The following TANC1 variants were observed in gnomAD, a reference collection of about 807,000 sequenced individuals.
TANC1 encodes tetratricopeptide repeat, ankyrin repeat and coiled-coil containing 1, also known as protein TANC1.
Under a neutral mutation model 149.7 loss-of-function variants are expected in TANC1, and 77 were observed. That is an observed-to-expected ratio of 0.51 (90% CI 0.43 to 0.62). TANC1 has a LOEUF of 0.62. TANC1 is among the 20% of genes least tolerant of loss of function. The probability of loss-of-function intolerance (pLI) is 0.00; values close to 1 mark genes in which losing one functional copy is unlikely to be tolerated. For synonymous variants in TANC1, 854 were observed against 925.0 expected, an observed-to-expected ratio of 0.92 and a Z score of 1.39; for missense variants, 1,985 against 2,321.8, an observed-to-expected ratio of 0.85 and a Z score of 2.98.
chr2:159,138,710 G>T (rs534710807), intron 5 of TANC1, among the ~76,000 whole-genome samples: 91 of 152,216 alleles, frequency 6.0e-4, no homozygotes, highest in African/African-American at 2.0e-3. Flanking sequence ...TTTCTAAGAC[G>T]CTTTTCTGGG....
Position 159,174,947 on chromosome 2 carries a change from C to T in TANC1, c.1504-6C>T. 2 of 1,612,610 alleles carry T rather than the reference C, an allele frequency of 1.2e-6. No individual in the cohort carries two copies. Among genetic ancestry groups the T allele is most frequent in the Non-Finnish European group, 8.5e-7 (1 of 1,179,002 alleles). ...AGGTGATGCTGACGGTTCTGCTTCC[C>T]CCTAGGTGGTGGCCTACCACTACTG... On this transcript the variant is annotated splice_polypyrimidine_tract_variant and splice_region_variant and intron_variant, in intron 11 of 26. Coordinates refer to ENST00000263635, the MANE Select transcript of TANC1 (RefSeq NM_033394.3).
chr2:159,143,039 G>A (rs1357390871), intron 5 of TANC1, among the ~76,000 whole-genome samples: 7 of 143,938 alleles, frequency 4.9e-5, no homozygotes, highest in African/African-American at 7.8e-5. Flanking sequence ...CTCCAGCCTG[G>A]GCCACAGAGC....
intron 3 of TANC1, among the ~76,000 whole-genome samples, chr2:159,083,305 A>G (rs72936469): frequency 6.6e-6 from 1 of 151,228 alleles, no homozygotes; most frequent in Non-Finnish European, 1.5e-5. Context: ...CATGTTTGGG[A>G]GTCACTGGTA....
intron 5 of TANC1, among the ~76,000 whole-genome samples, chr2:159,146,820 C>T (rs368874143): frequency 5.3e-5 from 8 of 152,062 alleles, no homozygotes; most frequent in Non-Finnish European, 7.4e-5. Context: ...GGATTACAGG[C>T]GTGAGCCACC....
intron 2 of TANC1, among the ~76,000 whole-genome samples, chr2:159,048,204 C>T (rs1240297188): frequency 6.6e-6 from 1 of 152,176 alleles, no homozygotes; most frequent in Non-Finnish European, 1.5e-5. Context: ...TGAGTTGTTT[C>T]TATAATGCCA....
chr2:159,171,302 T>C (rs1460276444), intron 10 of TANC1, among the ~76,000 whole-genome samples: 1 of 152,212 alleles, frequency 6.6e-6, no homozygotes, highest in Admixed American at 6.5e-5. Context: ...CTAAACATGG[T>C]GAACAAGTGA....
At chr2:158,978,649 C>G (rs769717959) in intron 1 of TANC1, among the ~76,000 whole-genome samples, 3 of 152,128 alleles carry the variant, frequency 2.0e-5, no homozygotes, top group Non-Finnish European at 2.9e-5. Flanking sequence ...GCGATAACTC[C>G]CCAGGGTAGG....
intron 3 of TANC1, among the ~76,000 whole-genome samples, chr2:159,091,968 G>GC (rs1307200086): frequency 6.8e-6 from 1 of 146,712 alleles, no homozygotes; most frequent in African/African-American, 2.7e-5. Flanking sequence ...ATATAGGGGG[G>GC]GGTGTGTGTG....
chr2:159,122,439 A>T (rs1161293659), intron 4 of TANC1, among the ~76,000 whole-genome samples: 1 of 152,158 alleles, frequency 6.6e-6, no homozygotes, highest in Non-Finnish European at 1.5e-5. Context: ...TAAAAAAAAA[A>T]TTTAATGTGT....
intron 12 of TANC1, 87 bp downstream of exon 12, chr2:159,175,271 C>A: frequency 9.1e-7 from 1 of 1,100,808 alleles, no homozygotes; most frequent in Non-Finnish European, 1.4e-6. Context: ...GTCAGCCGGG[C>A]TGGGGTAGAA....
In TANC1 at chr2:159,109,584, T is replaced by C. The variant is rs73969442; in HGVS notation, c.259+11750T>C. ...GTGGTTTCAGTTACCTGCAGTCAAC[T>C]GTGGTTCAAAAATATTACATGAGAA... On this transcript the variant is annotated intron_variant, in intron 4 of 26. Transcript: ENST00000263635. Among the ~76,000 whole-genome samples the C allele has an allele frequency of 7.0e-3, 1,063 of 152,328 alleles. 8 individuals are homozygous for C. Among genetic ancestry groups the C allele is most frequent in the African/African-American group, 0.024 (1,001 of 41,566 alleles).
rs2056148788 is a variant in TANC1 at position 159,178,732 on chromosome 2, C to T, written c.2079C>T (p.Ser693=). Reference sequence around the variant, plus strand: ...ATGCCACACTCATTGGAAAAGTGAGCAGCCACCTGGTGCTGCGGAGCCTCG... The same window carrying T: ...ATGCCACACTCATTGGAAAAGTGAGTAGCCACCTGGTGCTGCGGAGCCTCG... ...KADATLIGKV[S]SHLVLRSLGS... The change falls in exon 14 of 27, where the codon AGC becomes AGT. Residue 693 remains serine, a synonymous_variant. Coordinates refer to ENST00000263635, the MANE Select transcript of TANC1 (RefSeq NM_033394.3). 1 of 1,614,028 alleles carries T rather than the reference C, an allele frequency of 6.2e-7. No individual in the cohort carries two copies. Among genetic ancestry groups the T allele is most frequent in the Admixed American group, 1.7e-5 (1 of 60,008 alleles).
In TANC1 at chr2:159,157,022, G is replaced by A. The variant is rs565841843; in HGVS notation, c.683-6261G>A. ...CTTGCGCAACACAGGTGAGCACTGA[G>A]CTAGAAATTTCGTACAGAGATCTGG... On this transcript the variant is annotated intron_variant, in intron 7 of 26. Transcript: ENST00000263635. Among the ~76,000 whole-genome samples, 46 of 152,374 alleles carry A rather than the reference G, an allele frequency of 3.0e-4. 1 individual carries two copies. The South Asian group carries it at 7.9e-3, about 26-fold the overall frequency.
chr2:159,095,756 A>T (rs930387358), intron 3 of TANC1, among the ~76,000 whole-genome samples: 2 of 143,886 alleles, frequency 1.4e-5, no homozygotes, highest in Non-Finnish European at 3.1e-5. Flanking sequence ...AAAAAAAAAA[A>T]GTAAGGCATG....
intron 8 of TANC1, among the ~76,000 whole-genome samples, chr2:159,167,160 C>T (rs1411166668): frequency 1.3e-5 from 2 of 151,650 alleles, no homozygotes; most frequent in East Asian, 2.1e-4. Flanking sequence ...GGCTCTAAAG[C>T]ATCTTTTTAT....
intron 17 of TANC1, 120 bp from the exon 18 acceptor site, chr2:159,196,488 G>T: frequency 1.3e-6 from 1 of 755,348 alleles, no homozygotes; most frequent in Non-Finnish European, 2.1e-6. Context: ...AAGACAAGTT[G>T]GAATGTGAAC....
At chr2:159,132,257 G>A (rs2050180152) in intron 4 of TANC1, among the ~76,000 whole-genome samples, 1 of 152,142 alleles carries the variant, frequency 6.6e-6, no homozygotes, top group Non-Finnish European at 1.5e-5. Context: ...GCTTTGCCTT[G>A]TGTGACCACT....
At chr2:158,996,241 TCCCAGCCACTCGTGA>T (rs1383424308) in intron 1 of TANC1, among the ~76,000 whole-genome samples, 1 of 152,082 alleles carries the variant, frequency 6.6e-6, no homozygotes, top group East Asian at 1.9e-4. Flanking sequence ...GTGCCTGTAG[TCCCAGCCACTCGTGA>T]GGCTGAGGTG....
chr2:159,195,892 C>A (rs2057807666), intron 17 of TANC1, among the ~76,000 whole-genome samples: 1 of 152,196 alleles, frequency 6.6e-6, no homozygotes, highest in South Asian at 2.1e-4. Flanking sequence ...GGCAGGCATG[C>A]AAGGCTAGGC....
Sources: gnomAD v4.1 joint callset for allele counts (sites outside exome capture counted in the v4.1 genomes callset) on GRCh38, gnomAD v4.1.1 for gene constraint, MANE v1.5 for transcripts, NCBI Gene and HGNC (gene_info 2026-07-23, HGNC 2026-07-21) for gene names.